ZNF385D: variants seen among roughly 807,000 people sequenced by gnomAD.
ZNF385D encodes zinc finger protein 659.
In ZNF385D, 15 loss-of-function variants were observed where a neutral mutation model predicts 35.8. The ratio of observed to expected loss-of-function variants is 0.42; its 90% CI spans 0.28 to 0.64. The LOEUF is 0.64. Ranked by LOEUF, ZNF385D falls within the 30% of genes least tolerant of loss-of-function variation. The pLI is 0.23. For synonymous variants in ZNF385D, 212 were observed against 186.8 expected, an observed-to-expected ratio of 1.13 and a Z score of -1.10; for missense variants, 474 against 494.6, an observed-to-expected ratio of 0.96 and a Z score of 0.39.
chr3:21,996,437 C>G (rs1695472314), intron 3 of ZNF385D, among the ~76,000 whole-genome samples: 1 of 152,170 alleles, frequency 6.6e-6, no homozygotes, highest in South Asian at 2.1e-4. Context: ...AGTGTTCTCT[C>G]TCAGATGATC....
intron 2 of ZNF385D, among the ~76,000 whole-genome samples, chr3:21,657,693 A>G (rs896413721): frequency 7.1e-5 from 10 of 141,680 alleles, no homozygotes; most frequent in African/African-American, 2.1e-4. Context: ...TAAGAAAGAC[A>G]GGCTTTTTTT....
chr3:21,471,790 G>A (rs1703913940), intron 4 of ZNF385D, among the ~76,000 whole-genome samples: 1 of 152,056 alleles, frequency 6.6e-6, no homozygotes, highest in Non-Finnish European at 1.5e-5. Flanking sequence ...GATTTACAGG[G>A]TCTTTCTGAA....
chr3:21,616,646 T>G (rs1189755629), intron 2 of ZNF385D, among the ~76,000 whole-genome samples: 1 of 152,246 alleles, frequency 6.6e-6, no homozygotes, highest in African/African-American at 2.4e-5. Flanking sequence ...CATGTTCCCA[T>G]GCTTATTTCA....
chr3:21,775,587 T>A (rs1277843299), intron 3 of ZNF385D, among the ~76,000 whole-genome samples: 5 of 151,896 alleles, frequency 3.3e-5, no homozygotes, highest in Admixed American at 3.3e-4. Context: ...GTATCTAATT[T>A]CAAAATCGAA....
intron 3 of ZNF385D, among the ~76,000 whole-genome samples, chr3:21,974,301 G>T (rs1260133476): frequency 1.3e-5 from 2 of 151,906 alleles, no homozygotes; most frequent in Middle Eastern, 3.4e-3. Context: ...TTCAACAAAG[G>T]TACCAAGAAC....
intron 3 of ZNF385D, chr3:21,849,687 T>C (rs901909783): frequency 3.5e-5 from 5 of 143,956 alleles, no homozygotes; most frequent in African/African-American, 1.2e-4. Flanking sequence ...TATCTTCTAA[T>C]GCAGATGTCC....
At chr3:22,083,107 C>A (rs1700842516) in intron 3 of ZNF385D, among the ~76,000 whole-genome samples, 1 of 152,164 alleles carries the variant, frequency 6.6e-6, no homozygotes, top group Non-Finnish European at 1.5e-5. Context: ...GTAGATAAAA[C>A]CACGAAGATG....
At chr3:22,198,584 A>G (rs990948436) in intron 2 of ZNF385D, among the ~76,000 whole-genome samples, 4 of 152,140 alleles carry the variant, frequency 2.6e-5, no homozygotes, top group Non-Finnish European at 5.9e-5. Context: ...TATCTCAACC[A>G]AAACCTGGCC....
At chr3:22,188,871 C>A (rs925940325) in intron 2 of ZNF385D, among the ~76,000 whole-genome samples, 1 of 152,004 alleles carries the variant, frequency 6.6e-6, no homozygotes, top group South Asian at 2.1e-4. Flanking sequence ...TTAGGACTGG[C>A]AGTTCAGCTC....
chr3:21,960,222 C>G (rs201111606), intron 3 of ZNF385D, among the ~76,000 whole-genome samples: 1 of 51,158 alleles, frequency 2.0e-5, no homozygotes, highest in Non-Finnish European at 5.8e-5. Flanking sequence ...ACACCCTCCC[C>G]AACACAGACA....
chr3:22,115,450 AT>A (rs1469001803), intron 3 of ZNF385D, among the ~76,000 whole-genome samples: 1 of 152,112 alleles, frequency 6.6e-6, no homozygotes. Flanking sequence ...AGCCCAAATT[AT>A]TTTATGTCAT....
intron 3 of ZNF385D, among the ~76,000 whole-genome samples, chr3:21,549,594 C>T (rs754355376): frequency 1.6e-4 from 24 of 152,218 alleles, no homozygotes; most frequent in Non-Finnish European, 3.5e-4. Flanking sequence ...CCACACTCTC[C>T]AGAGCCAGCT....
intron 2 of ZNF385D, among the ~76,000 whole-genome samples, chr3:22,204,491 C>T (rs185777430): frequency 7.6e-4 from 116 of 152,058 alleles, no homozygotes; most frequent in African/African-American, 2.5e-3. Context: ...TCGAGAAAAA[C>T]ATGACCTCCC....
chr3:21,802,032 T>C (rs900128839), intron 3 of ZNF385D, among the ~76,000 whole-genome samples: 2 of 152,144 alleles, frequency 1.3e-5, no homozygotes, highest in Non-Finnish European at 2.9e-5. Context: ...TCAACTTTTA[T>C]AGGAGACGGG....
At chr3:21,727,904 G>A (rs567980311) in intron 1 of ZNF385D, among the ~76,000 whole-genome samples, 23 of 152,120 alleles carry the variant, frequency 1.5e-4, no homozygotes, top group African/African-American at 5.1e-4. Context: ...GCAAAGACTT[G>A]GAACCAACCC....
At chr3:21,997,298 T>C (rs1415665469) in intron 3 of ZNF385D, among the ~76,000 whole-genome samples, 1 of 151,946 alleles carries the variant, frequency 6.6e-6, no homozygotes, top group Non-Finnish European at 1.5e-5. Context: ...AATTGAACAA[T>C]GAGAACACTT....
At chr3:21,960,194 A>G (rs970282495) in intron 3 of ZNF385D, among the ~76,000 whole-genome samples, 48 of 151,782 alleles carry the variant, frequency 3.2e-4, no homozygotes, top group African/African-American at 1.0e-3. Flanking sequence ...CTCAACAACT[A>G]AACAGCAATA....
At chr3:22,316,715 T>C (rs757476567) in intron 2 of ZNF385D, among the ~76,000 whole-genome samples, 31 of 152,220 alleles carry the variant, frequency 2.0e-4, no homozygotes, top group Non-Finnish European at 3.8e-4. Flanking sequence ...AGAGTTATAT[T>C]GATAATCAAT....
intron 3 of ZNF385D, among the ~76,000 whole-genome samples, chr3:22,135,626 C>A (rs1375622029): frequency 2.6e-5 from 4 of 152,096 alleles, no homozygotes; most frequent in Non-Finnish European, 5.9e-5. Context: ...AATAAGCTGA[C>A]TCTACAACTT....
Sources: allele counts gnomAD v4.1 joint callset (sites outside exome capture counted in the v4.1 genomes callset), GRCh38; gene constraint gnomAD v4.1.1; transcripts MANE v1.5; gene names NCBI Gene and HGNC (gene_info 2026-07-23, HGNC 2026-07-21).